PARD3: variants seen among roughly 807,000 people sequenced by gnomAD.
The protein encoded by PARD3 is par-3 family cell polarity regulator.
In PARD3, 75 loss-of-function variants were observed where a neutral mutation model predicts 155.4. The ratio of observed to expected loss-of-function variants is 0.48; its 90% CI spans 0.40 to 0.58. The LOEUF is 0.58. Among genes scored for constraint, PARD3 ranks in the 20% least tolerant of loss-of-function variants. PARD3 has a pLI of 0.00. For missense variants in PARD3, 1,642 were observed against 1,721.7 expected (o/e 0.95, Z 0.82); for synonymous variants, 576 against 610.5 (o/e 0.94, Z 0.83).
In PARD3 at chr10:34,776,162, T is replaced by A. The variant is rs115139962; in HGVS notation, c.120+38714A>T. 2.9e-3 allele frequency among the ~76,000 whole-genome samples: 434 copies of A among 152,250 alleles called. 1 individual carries two copies. Among genetic ancestry groups the A allele is most frequent in the African/African-American group, 9.7e-3 (404 of 41,544 alleles). ...ATAACTCTGACCAAAAAAGAATTGA[T>A]CAGTTAGGCAGCCAAGAACCCTGGA... On this transcript the variant is annotated intron_variant, in intron 1 of 24. Coordinates refer to ENST00000374788, the MANE Select transcript of PARD3 (RefSeq NM_001184785.2).
chr10:34,814,851 C>T (rs1386552527), intron 1 of PARD3, 25 bp downstream of exon 1: 3 of 1,460,026 alleles, frequency 2.1e-6, no homozygotes, highest in African/African-American at 1.5e-5. Flanking sequence ...CCGCCCCCTC[C>T]CCGCCCGCGC....
chr10:34,451,917 G>A (rs986691470), intron 4 of PARD3, among the ~76,000 whole-genome samples: 9 of 151,776 alleles, frequency 5.9e-5, no homozygotes, highest in Middle Eastern at 6.8e-3. Context: ...AAAAGGAAAG[G>A]AAATACCGTT....
intron 5 of PARD3, among the ~76,000 whole-genome samples, chr10:34,436,805 T>C (rs1336180023): frequency 1.3e-5 from 2 of 151,870 alleles, no homozygotes; most frequent in African/African-American, 4.8e-5. Flanking sequence ...ATTGCCAAGC[T>C]ATATTAAGAA....
At chr10:34,357,490 G>C (rs1839008029) in intron 14 of PARD3, among the ~76,000 whole-genome samples, 1 of 152,138 alleles carries the variant, frequency 6.6e-6, no homozygotes, top group African/African-American at 2.4e-5. Context: ...AGGCCTAAAA[G>C]AGAATGATAT....
chr10:34,759,643 A>G (rs769021202), intron 1 of PARD3, among the ~76,000 whole-genome samples: 10 of 152,240 alleles, frequency 6.6e-5, no homozygotes, highest in Non-Finnish European at 1.5e-4. Flanking sequence ...GAGGCAGCCA[A>G]TTCAACAGCA....
At chr10:34,728,054 G>A (rs1471335590) in intron 1 of PARD3, among the ~76,000 whole-genome samples, 1 of 152,112 alleles carries the variant, frequency 6.6e-6, no homozygotes, top group African/African-American at 2.4e-5. Flanking sequence ...CAACAAGTAG[G>A]TATATTAAGT....
chr10:34,555,089 G>A (rs553273175), intron 2 of PARD3, among the ~76,000 whole-genome samples: 45 of 152,188 alleles, frequency 3.0e-4, no homozygotes, highest in Non-Finnish European at 5.3e-4. Flanking sequence ...AACACCAAAA[G>A]TGAACCCTCA....
intron 22 of PARD3, among the ~76,000 whole-genome samples, chr10:34,253,842 G>A (rs1043976228): frequency 1.3e-5 from 2 of 152,096 alleles, no homozygotes; most frequent in Non-Finnish European, 2.9e-5. Context: ...TCAAAACTAG[G>A]TCAGCATGTT....
intron 3 of PARD3, among the ~76,000 whole-genome samples, chr10:34,481,180 T>C (rs1196184508): frequency 6.7e-6 from 1 of 149,714 alleles, no homozygotes; most frequent in Non-Finnish European, 1.5e-5. Context: ...GTAATAAGCA[T>C]AGTATCCAAC....
At chr10:34,347,898 TA>T in intron 15 of PARD3, 66 bp downstream of exon 15, 1 of 1,300,434 alleles carries the variant, frequency 7.7e-7, no homozygotes. Flanking sequence ...ATTACACCAA[TA>T]ACCTCTCAGT....
At chr10:34,764,719 C>T (rs1181011205) in intron 1 of PARD3, among the ~76,000 whole-genome samples, 1 of 151,932 alleles carries the variant, frequency 6.6e-6, no homozygotes, top group Middle Eastern at 3.2e-3. Flanking sequence ...ATGGTGGGAA[C>T]TGTTGACTGG....
intron 16 of PARD3, among the ~76,000 whole-genome samples, chr10:34,338,984 C>A (rs186561380): frequency 6.6e-6 from 1 of 152,074 alleles, no homozygotes; most frequent in East Asian, 1.9e-4. Context: ...CCCTCAGATG[C>A]CCCTTCACAT....
intron 2 of PARD3, among the ~76,000 whole-genome samples, chr10:34,651,392 C>A (rs1050943313): frequency 2.6e-5 from 4 of 152,164 alleles, no homozygotes; most frequent in African/African-American, 9.7e-5. Context: ...AAGAAGCCTG[C>A]ACATAAAGAA....
Position 34,374,983 on chromosome 10 carries a change from A to G in PARD3, c.1559T>C (p.Val520Ala). 1 of 1,613,478 alleles carries G rather than the reference A, an allele frequency of 6.2e-7. No individual in the cohort carries two copies. Residue 520 changes from valine (V) to alanine (A), a missense_variant, in exon 11 of 25, where the codon GTG (valine) becomes GCG (alanine). This residue lies in a region of PARD3 where 1,529 missense variants were observed against 1,587.3 expected (regional missense o/e 0.96). Transcript: ENST00000374788. ...RLIEVNGVDLVGKSQEEVVSL... is the reference protein window; with the variant it reads ...RLIEVNGVDLAGKSQEEVVSL... Reference sequence around the variant, plus strand: ...AACAACTTCCTCTTGGGATTTGCCCACTAAATCTACTCCATTTACCTAAAA... The same window carrying G: ...AACAACTTCCTCTTGGGATTTGCCCGCTAAATCTACTCCATTTACCTAAAA...
intron 4 of PARD3, 38 bp downstream of exon 4, chr10:34,470,047 G>A (rs779033135): frequency 6.6e-7 from 1 of 1,512,798 alleles, no homozygotes; most frequent in Non-Finnish European, 8.9e-7. Flanking sequence ...GAAGTCAGGA[G>A]GGGCAAGAGA....
chr10:34,307,182 A>C (rs922278572), intron 20 of PARD3, among the ~76,000 whole-genome samples: 26 of 152,074 alleles, frequency 1.7e-4, no homozygotes, highest in Admixed American at 5.9e-4. Context: ...GAGCCACCGC[A>C]CCCGGCTCAA....
chr10:34,681,766 ATATTTTTTTTTTTTTTT>A (rs1279672514), intron 2 of PARD3, among the ~76,000 whole-genome samples: 8 of 19,678 alleles, frequency 4.1e-4, no homozygotes, highest in African/African-American at 2.2e-3. Flanking sequence ...ATATATATAT[ATATTTTTTTTTTTTTTT>A]TTTTTTTTTT....
intron 22 of PARD3, among the ~76,000 whole-genome samples, chr10:34,167,912 A>G (rs1302344872): frequency 1.3e-5 from 2 of 152,160 alleles, no homozygotes; most frequent in Admixed American, 6.5e-5. Flanking sequence ...CACTGACCCT[A>G]TGTCCCCAAA....
At chr10:34,611,447 A>G (rs1013792781) in intron 2 of PARD3, among the ~76,000 whole-genome samples, 1 of 152,210 alleles carries the variant, frequency 6.6e-6, no homozygotes, top group Admixed American at 6.5e-5. Flanking sequence ...ATCAAAAGGA[A>G]CGCAGAGCAT....
Sources: allele counts gnomAD v4.1 joint callset (sites outside exome capture counted in the v4.1 genomes callset), GRCh38; gene constraint gnomAD v4.1.1; regional missense constraint gnomAD v4.1.1; transcripts MANE v1.5; gene names NCBI Gene and HGNC (gene_info 2026-07-23, HGNC 2026-07-21).